Variants in UHRF2 observed in about 807,000 individuals in gnomAD.
UHRF2 encodes the protein ubiquitin like with PHD and ring finger domains 2, also known as E3 ubiquitin-protein ligase UHRF2.
Under a neutral mutation model 96.8 loss-of-function variants are expected in UHRF2, and 23 were observed. The ratio of observed to expected loss-of-function variants is 0.24; its 90% confidence interval spans 0.17 to 0.34. The LOEUF is 0.34. Ranked by LOEUF, UHRF2 falls within the 10% of genes least tolerant of loss-of-function variation. The pLI, the probability that UHRF2 is intolerant of heterozygous loss-of-function variation, is 1.00. For synonymous variants in UHRF2, 385 were observed against 332.6 expected, an observed-to-expected ratio of 1.16 and a Z score of -1.72; for missense variants, 685 against 981.5, an observed-to-expected ratio of 0.70 and a Z score of 4.04.
At chr9:6,435,211 C>T (rs1312482750) in intron 3 of UHRF2, among the ~76,000 whole-genome samples, 4 of 152,022 alleles carry the variant, frequency 2.6e-5, no homozygotes, top group Admixed American at 6.5e-5. Flanking sequence ...CCAGGCTGGT[C>T]GCAAACTCCT....
chr9:6,440,090 T>G (rs1181635457), intron 3 of UHRF2, among the ~76,000 whole-genome samples: 1 of 152,182 alleles, frequency 6.6e-6, no homozygotes, highest in East Asian at 1.9e-4. Context: ...ATTAACATTT[T>G]TAAGGGCCCT....
intron 3 of UHRF2, among the ~76,000 whole-genome samples, chr9:6,437,160 GTTC>G (rs1239737829): frequency 3.3e-5 from 5 of 152,316 alleles, no homozygotes; most frequent in South Asian, 4.1e-4. Flanking sequence ...CATCAAACAA[GTTC>G]TTCTTTGAAT....
At chr9:6,490,015 A>C (rs1203209747) in intron 9 of UHRF2, among the ~76,000 whole-genome samples, 1 of 142,734 alleles carries the variant, frequency 7.0e-6, no homozygotes, top group African/African-American at 2.6e-5. Context: ...TATATTTGTC[A>C]GAAATACAAA....
At chr9:6,497,404 C>T (rs1198979019) in intron 11 of UHRF2, 44 bp downstream of exon 11, 1 of 1,599,748 alleles carries the variant, frequency 6.3e-7, no homozygotes, top group South Asian at 1.1e-5. Flanking sequence ...TCTTCCTGGG[C>T]TTTCAAGGCA....
chr9:6,467,705 C>A (rs992612134), intron 4 of UHRF2, among the ~76,000 whole-genome samples: 1 of 142,144 alleles, frequency 7.0e-6, no homozygotes, highest in African/African-American at 2.7e-5. Context: ...TTTGAATTTG[C>A]TTGTTTACTA....
intron 1 of UHRF2, among the ~76,000 whole-genome samples, chr9:6,419,011 G>A (rs1819770361): frequency 6.6e-6 from 1 of 152,022 alleles, no homozygotes; most frequent in Non-Finnish European, 1.5e-5. Context: ...TTGTCTTCCG[G>A]CTGCATCTTT....
chr9:6,472,193 A>G (rs533621550), intron 4 of UHRF2, among the ~76,000 whole-genome samples: 43 of 152,324 alleles, frequency 2.8e-4, no homozygotes, highest in South Asian at 2.1e-4. Context: ...CTATCAGATT[A>G]GATTTTAGTC....
At chr9:6,467,255 C>G (rs1822923267) in intron 4 of UHRF2, among the ~76,000 whole-genome samples, 1 of 152,198 alleles carries the variant, frequency 6.6e-6, no homozygotes. Context: ...ACCTTCAAAG[C>G]CAACGATGTT....
chr9:6,483,235 G>T (rs1368775775), intron 8 of UHRF2, among the ~76,000 whole-genome samples: 1 of 149,170 alleles, frequency 6.7e-6, no homozygotes, highest in Non-Finnish European at 1.5e-5. Context: ...TGAGGCAGGG[G>T]AATTGCTTGA....
chr9:6,485,803 C>T (rs1033790343), intron 8 of UHRF2, among the ~76,000 whole-genome samples: 1 of 59,192 alleles, frequency 1.7e-5, no homozygotes. Context: ...TGTCTCTACC[C>T]AAAAAAAAAA....
In UHRF2 at chr9:6,486,815, T is replaced by C. The variant is rs1185314926; in HGVS notation, c.1393-6T>C. 1.2e-6 allele frequency: 2 copies of C among 1,613,718 alleles called. No homozygotes were observed. Among genetic ancestry groups the C allele is most frequent in the African/African-American group, 2.7e-5 (2 of 74,940 alleles). ...TATTTTGAGACTCTCTTTAATTGTTTTATAGGTGAGCGAAGCAGGTGTTCA... is the reference window on the plus strand; with the variant it reads ...TATTTTGAGACTCTCTTTAATTGTTCTATAGGTGAGCGAAGCAGGTGTTCA... On this transcript the variant is annotated splice_polypyrimidine_tract_variant and splice_region_variant and intron_variant, in intron 8 of 15. Transcript: ENST00000276893.
intron 9 of UHRF2, 60 bp downstream of exon 9, chr9:6,486,985 A>C: frequency 6.7e-7 from 1 of 1,502,076 alleles, no homozygotes; most frequent in Non-Finnish European, 9.2e-7. Flanking sequence ...AAAATAGAAT[A>C]GCTTTGCCTA....
intron 3 of UHRF2, among the ~76,000 whole-genome samples, chr9:6,447,942 T>A (rs1821616537): frequency 6.6e-6 from 1 of 152,228 alleles, no homozygotes; most frequent in African/African-American, 2.4e-5. Flanking sequence ...ACAAGAGGAT[T>A]GGTTAATTTG....
intron 3 of UHRF2, among the ~76,000 whole-genome samples, chr9:6,456,463 G>A (rs1822180579): frequency 6.6e-6 from 1 of 151,968 alleles, no homozygotes; most frequent in Non-Finnish European, 1.5e-5. Context: ...TTGCAAAAAT[G>A]TTCTCTCGTT....
At chr9:6,494,003 C>G in intron 10 of UHRF2, 71 bp downstream of exon 10, 1 of 1,337,924 alleles carries the variant, frequency 7.5e-7, no homozygotes, top group Middle Eastern at 2.0e-4. Flanking sequence ...TAAATTGTAA[C>G]TTACGTTGCA....
At chr9:6,454,259 A>G (rs1464391901) in intron 3 of UHRF2, among the ~76,000 whole-genome samples, 1 of 152,244 alleles carries the variant, frequency 6.6e-6, no homozygotes, top group African/African-American at 2.4e-5. Context: ...GCAGACTGAA[A>G]ATAGAACATC....
rs1822200654 is a variant in UHRF2 at position 6,456,719 on chromosome 9, A to G, written c.645-3854A>G. On this transcript the variant is annotated intron_variant, in intron 3 of 15. Coordinates refer to ENST00000276893, the MANE Select transcript of UHRF2 (RefSeq NM_152896.3). ...TGAGTTAATTTTTATATAAGGTGTA[A>G]GGAAAGGGTCCAGTTTCAGTTTTCT... Among the ~76,000 whole-genome samples the G allele has an allele frequency of 3.3e-5, 5 of 152,206 alleles. No homozygotes were observed. The South Asian group carries it at 1.0e-3, about 32-fold the overall frequency.
At chr9:6,449,029 A>G (rs200112868) in intron 3 of UHRF2, among the ~76,000 whole-genome samples, 36 of 152,318 alleles carry the variant, frequency 2.4e-4, no homozygotes, top group Non-Finnish European at 4.0e-4. Flanking sequence ...TACCTTTACC[A>G]GCACCTTTGA....
At chr9:6,481,522 T>A in intron 6 of UHRF2, 121 bp from the exon 7 acceptor site, 1 of 1,139,920 alleles carries the variant, frequency 8.8e-7, no homozygotes, top group South Asian at 2.0e-5. Flanking sequence ...CAGTTAAAGC[T>A]CTGTAATGTA....
Sources: allele counts gnomAD v4.1 joint callset (sites outside exome capture counted in the v4.1 genomes callset), GRCh38; gene constraint gnomAD v4.1.1; transcripts MANE v1.5; gene names NCBI Gene and HGNC (gene_info 2026-07-23, HGNC 2026-07-21).